The following PCDH15 variants were observed in gnomAD, a reference collection of about 807,000 sequenced individuals.
The protein encoded by PCDH15 is protocadherin related 15, also known as protocadherin-15.
PCDH15 carries 129 observed loss-of-function variants against 178.5 expected under a neutral mutation model. That is an observed-to-expected ratio of 0.72 (90% confidence interval 0.63 to 0.84). The LOEUF (loss-of-function observed/expected upper bound fraction) is 0.84, where lower values mean the gene tolerates loss of function less well. PCDH15 is among the 40% of genes least tolerant of loss of function. PCDH15 has a pLI of 0.00. For synonymous variants in PCDH15, 800 were observed against 732.0 expected (o/e 1.09, Z -1.50); for missense variants, 2,230 against 2,099.9 (o/e 1.06, Z -1.21).
intron 2 of PCDH15, among the ~76,000 whole-genome samples, chr10:54,597,643 T>C (rs1261228079): frequency 2.0e-5 from 3 of 151,808 alleles, no homozygotes; most frequent in Non-Finnish European, 2.9e-5. Flanking sequence ...AAATCAGAGC[T>C]GAACAGAGAC....
At chr10:55,188,366 A>G (rs555290446) in intron 1 of PCDH15, among the ~76,000 whole-genome samples, 2 of 152,018 alleles carry the variant, frequency 1.3e-5, no homozygotes, top group African/African-American at 4.8e-5. Context: ...TCTATTTCTT[A>G]AATATCATTA....
At chr10:54,179,687 C>A (rs2047795652) in intron 13 of PCDH15, among the ~76,000 whole-genome samples, 1 of 152,078 alleles carries the variant, frequency 6.6e-6, no homozygotes, top group African/African-American at 2.4e-5. Flanking sequence ...GTTTCAATTT[C>A]TTAAATAAAA....
At chr10:54,069,815 C>T (rs1217528802) in intron 17 of PCDH15, among the ~76,000 whole-genome samples, 7 of 152,138 alleles carry the variant, frequency 4.6e-5, no homozygotes, top group South Asian at 4.1e-4. Flanking sequence ...TTTCATTGTT[C>T]AAGCTTAAAA....
At chr10:54,859,834 G>A (rs1298428656) in intron 3 of PCDH15, among the ~76,000 whole-genome samples, 6 of 151,788 alleles carry the variant, frequency 4.0e-5, no homozygotes, top group South Asian at 2.1e-4. Flanking sequence ...ATATAAAGTC[G>A]TAGTGCTACT....
intron 2 of PCDH15, among the ~76,000 whole-genome samples, chr10:55,113,137 C>G (rs1265694574): frequency 6.6e-6 from 1 of 152,176 alleles, no homozygotes; most frequent in Non-Finnish European, 1.5e-5. Flanking sequence ...AAATATCTGT[C>G]ATTTCCAAGC....
At chr10:55,499,651 A>C (rs1418120692) in intron 2 of PCDH15, among the ~76,000 whole-genome samples, 1 of 151,732 alleles carries the variant, frequency 6.6e-6, no homozygotes, top group Non-Finnish European at 1.5e-5. Flanking sequence ...TACATCCCCT[A>C]GTATTTGTAG....
chr10:54,445,830 C>T (rs1256762818), intron 3 of PCDH15, among the ~76,000 whole-genome samples: 1 of 151,452 alleles, frequency 6.6e-6, no homozygotes, highest in Non-Finnish European at 1.5e-5. Context: ...TTAGTCTTTT[C>T]ACAGAAATTA....
chr10:54,595,856 G>A (rs2092206804), intron 2 of PCDH15, among the ~76,000 whole-genome samples: 1 of 152,022 alleles, frequency 6.6e-6, no homozygotes, highest in Non-Finnish European at 1.5e-5. Flanking sequence ...CCAAGCTAAG[G>A]AAAGAATCTC....
intron 1 of PCDH15, among the ~76,000 whole-genome samples, chr10:55,315,651 AG>A (rs1843706129): frequency 6.6e-6 from 1 of 152,168 alleles, no homozygotes; most frequent in Non-Finnish European, 1.5e-5. Flanking sequence ...TGATTTATGC[AG>A]GGGAAAAATG....
At chr10:54,905,129 T>C (rs1725779657) in intron 2 of PCDH15, among the ~76,000 whole-genome samples, 1 of 152,018 alleles carries the variant, frequency 6.6e-6, no homozygotes, top group Non-Finnish European at 1.5e-5. Context: ...AGCAAGGATT[T>C]GGCCTCAAAG....
At chr10:54,217,929 GT>G (rs1350127551) in intron 9 of PCDH15, among the ~76,000 whole-genome samples, 2 of 151,226 alleles carry the variant, frequency 1.3e-5, no homozygotes, top group African/African-American at 4.9e-5. Context: ...TTGTTTTTTT[GT>G]TTTTTAAGCT....
chr10:54,279,934 C>T (rs968596245), intron 8 of PCDH15, among the ~76,000 whole-genome samples: 1 of 151,628 alleles, frequency 6.6e-6, no homozygotes, highest in Non-Finnish European at 1.5e-5. Context: ...TCCTAGAAAT[C>T]GTTAGCTCAT....
chr10:53,893,515 T>C (rs2081732274), intron 26 of PCDH15, among the ~76,000 whole-genome samples: 1 of 152,182 alleles, frequency 6.6e-6, no homozygotes, highest in African/African-American at 2.4e-5. Context: ...AGCAGCACAA[T>C]TTGCAATTGC....
chr10:55,528,797 G>A (rs959000323), intron 2 of PCDH15, among the ~76,000 whole-genome samples: 35 of 152,122 alleles, frequency 2.3e-4, no homozygotes, highest in African/African-American at 6.3e-4. Context: ...TTGAGGAATC[G>A]CCACACTGAC....
intron 18 of PCDH15, among the ~76,000 whole-genome samples, chr10:54,041,120 A>T (rs1174334226): frequency 6.6e-6 from 1 of 152,160 alleles, no homozygotes; most frequent in Non-Finnish European, 1.5e-5. Context: ...TTGAATGCAG[A>T]TGCCAATGCA....
intron 2 of PCDH15, among the ~76,000 whole-genome samples, chr10:54,989,721 T>A (rs1839455211): frequency 6.6e-6 from 1 of 152,152 alleles, no homozygotes; most frequent in African/African-American, 2.4e-5. Context: ...AATGCTGAAA[T>A]GAGTTATAAC....
chr10:55,122,598 T>C (rs1773222869), intron 2 of PCDH15, among the ~76,000 whole-genome samples: 1 of 152,170 alleles, frequency 6.6e-6, no homozygotes, highest in South Asian at 2.1e-4. Flanking sequence ...TTTATGGATT[T>C]ATCATCGACT....
chr10:54,783,614 T>A (rs1338336858), intron 1 of PCDH15, among the ~76,000 whole-genome samples: 2 of 152,080 alleles, frequency 1.3e-5, no homozygotes, highest in Admixed American at 6.6e-5. Flanking sequence ...TTCAGAGAGA[T>A]ATGGACTTCC....
At chr10:54,183,027 G>GCTC (rs900107390) in intron 13 of PCDH15, among the ~76,000 whole-genome samples, 1 of 151,894 alleles carries the variant, frequency 6.6e-6, no homozygotes, top group African/African-American at 2.4e-5. Context: ...TGTTGCCCAG[G>GCTC]CTGGAGTGTG....
Sources: gnomAD v4.1 joint callset for allele counts (sites outside exome capture counted in the v4.1 genomes callset) on GRCh38, gnomAD v4.1.1 for gene constraint, MANE v1.5 for transcripts, NCBI Gene and HGNC (gene_info 2026-07-23, HGNC 2026-07-21) for gene names.